The following SKAP2 variants were observed in gnomAD, a reference collection of about 807,000 sequenced individuals.
The protein encoded by SKAP2 is src kinase-associated phosphoprotein 2.
In SKAP2, 28 loss-of-function variants were observed where a neutral mutation model predicts 54.9. That is an observed-to-expected ratio of 0.51 (90% CI 0.38 to 0.70). The LOEUF (loss-of-function observed/expected upper bound fraction) is 0.70, where lower values mean the gene tolerates loss of function less well. Among genes scored for constraint, SKAP2 ranks in the 30% least tolerant of loss-of-function variants. SKAP2 has a pLI of 0.00. For missense variants in SKAP2, 356 were observed against 424.1 expected (o/e 0.84, Z 1.41); for synonymous variants, 137 against 134.3 (o/e 1.02, Z -0.14).
intron 4 of SKAP2, among the ~76,000 whole-genome samples, chr7:26,822,980 A>T (rs1478676368): frequency 6.6e-6 from 1 of 152,214 alleles, no homozygotes; most frequent in Admixed American, 6.5e-5. Flanking sequence ...AAAAGGTAGA[A>T]ATGATTAAGC....
intron 11 of SKAP2, among the ~76,000 whole-genome samples, chr7:26,676,271 T>C (rs1786347410): frequency 6.6e-6 from 1 of 152,218 alleles, no homozygotes; most frequent in African/African-American, 2.4e-5. Context: ...GGCCAGATAT[T>C]CAGGGCAGAG....
chr7:26,735,625 GT>G (rs1787913296), intron 6 of SKAP2, among the ~76,000 whole-genome samples: 1 of 152,146 alleles, frequency 6.6e-6, no homozygotes, highest in Admixed American at 6.5e-5. Flanking sequence ...AACTCCTTCT[GT>G]GCCTCTATAA....
intron 9 of SKAP2, among the ~76,000 whole-genome samples, chr7:26,716,786 A>G (rs1787454208): frequency 6.6e-6 from 1 of 152,182 alleles, no homozygotes; most frequent in Admixed American, 6.5e-5. Context: ...AAAAATTAAA[A>G]TTAGTATTCC....
chr7:26,718,630 C>G (rs567824915), intron 9 of SKAP2, among the ~76,000 whole-genome samples: 2 of 152,004 alleles, frequency 1.3e-5, no homozygotes, highest in Non-Finnish European at 2.9e-5. Context: ...CTCAGCACCC[C>G]GAGTAGCCGG....
At chr7:26,740,253 C>G (rs909617191) in intron 4 of SKAP2, among the ~76,000 whole-genome samples, 1 of 151,650 alleles carries the variant, frequency 6.6e-6, no homozygotes, top group African/African-American at 2.4e-5. Flanking sequence ...GCAATAAATC[C>G]CTGAAAGAGA....
At chr7:26,839,036 T>C (rs1467834938) in intron 4 of SKAP2, among the ~76,000 whole-genome samples, 19 of 152,202 alleles carry the variant, frequency 1.2e-4, no homozygotes, top group Non-Finnish European at 1.5e-5. Flanking sequence ...TTCATAATGT[T>C]GAGTTTTACT....
chr7:26,772,190 C>A (rs906724331), intron 4 of SKAP2, among the ~76,000 whole-genome samples: 8 of 152,094 alleles, frequency 5.3e-5, no homozygotes, highest in African/African-American at 1.9e-4. Flanking sequence ...ATCAGAAAAA[C>A]CAAAGCATAT....
At chr7:26,779,811 T>C (rs1783389102) in intron 4 of SKAP2, among the ~76,000 whole-genome samples, 1 of 152,040 alleles carries the variant, frequency 6.6e-6, no homozygotes, top group South Asian at 2.1e-4. Flanking sequence ...AAGTAATTTG[T>C]GTTTTAAGAC....
intron 4 of SKAP2, among the ~76,000 whole-genome samples, chr7:26,803,739 T>C (rs1430907784): frequency 1.3e-5 from 2 of 152,188 alleles, no homozygotes; most frequent in South Asian, 2.1e-4. Context: ...AACAGATGAC[T>C]GGATAAAGAA....
chr7:26,725,249 T>C (rs746134043), intron 9 of SKAP2, among the ~76,000 whole-genome samples, 179 bp downstream of exon 9: 2 of 152,142 alleles, frequency 1.3e-5, no homozygotes, highest in Admixed American at 6.6e-5. Context: ...TTGAAATATC[T>C]CAAGCAGAAC....
chr7:26,693,857 C>A (rs2127942416), intron 9 of SKAP2, among the ~76,000 whole-genome samples: 1 of 151,996 alleles, frequency 6.6e-6, no homozygotes, highest in South Asian at 2.1e-4. Context: ...ATAACAAAAT[C>A]AAATATGGTG....
chr7:26,749,636 T>C (rs1260763807), intron 4 of SKAP2, among the ~76,000 whole-genome samples: 4 of 151,806 alleles, frequency 2.6e-5, no homozygotes, highest in African/African-American at 7.3e-5. Context: ...TAGTCCTAGC[T>C]ACTCAGAAGG....
intron 4 of SKAP2, among the ~76,000 whole-genome samples, chr7:26,817,419 GA>G (rs972369532): frequency 3.3e-5 from 5 of 151,670 alleles, no homozygotes; most frequent in South Asian, 4.2e-4. Flanking sequence ...AACAGAGCAA[GA>G]AAAAAAATTG....
At chr7:26,771,913 A>G (rs1783198284) in intron 4 of SKAP2, among the ~76,000 whole-genome samples, 1 of 152,238 alleles carries the variant, frequency 6.6e-6, no homozygotes, top group African/African-American at 2.4e-5. Flanking sequence ...ATAGGCAGGT[A>G]TGGGCACAAA....
chr7:26,713,835 G>A (rs1054841744), intron 9 of SKAP2, among the ~76,000 whole-genome samples: 1 of 152,052 alleles, frequency 6.6e-6, no homozygotes, highest in African/African-American at 2.4e-5. Context: ...TCCTGACCTC[G>A]TGATCCACCT....
intron 10 of SKAP2, among the ~76,000 whole-genome samples, chr7:26,686,088 T>G (rs1786634297): frequency 6.6e-6 from 1 of 152,166 alleles, no homozygotes; most frequent in African/African-American, 2.4e-5. Context: ...TATTACACAT[T>G]TTTTGTGATT....
chr7:26,829,213 A>G (rs1354274208), intron 4 of SKAP2, among the ~76,000 whole-genome samples: 1 of 152,126 alleles, frequency 6.6e-6, no homozygotes, highest in Non-Finnish European at 1.5e-5. Context: ...ATATATAAAT[A>G]ACTCAGAACT....
At chr7:26,664,397 CA>C (rs1280221427), downstream of SKAP2, among the ~76,000 whole-genome samples, 1 of 152,062 alleles carries the variant, frequency 6.6e-6, no homozygotes, top group Non-Finnish European at 1.5e-5. Flanking sequence ...ATAAAGAACA[CA>C]AGGTTTTCTA....
intron 1 of SKAP2, among the ~76,000 whole-genome samples, chr7:26,860,510 A>T (rs1282253353): frequency 6.6e-6 from 1 of 152,120 alleles, no homozygotes; most frequent in Non-Finnish European, 1.5e-5. Context: ...CTTGCTCCAT[A>T]GGAAAACCCA....
Sources: allele counts gnomAD v4.1 joint callset (sites outside exome capture counted in the v4.1 genomes callset), GRCh38; gene constraint gnomAD v4.1.1; transcripts MANE v1.5; gene names NCBI Gene and HGNC (gene_info 2026-07-23, HGNC 2026-07-21).